The following EYS variants were observed in gnomAD, a reference collection of about 807,000 sequenced individuals.
EYS encodes the protein protein eyes shut homolog.
A neutral mutation model predicts 282.1 loss-of-function variants in EYS; 250 were observed. That is an observed-to-expected ratio of 0.89 (90% CI 0.80 to 0.98). EYS has a LOEUF of 0.98. Ranked by LOEUF, EYS falls within the 50% of genes least tolerant of loss-of-function variation. The probability of loss-of-function intolerance (pLI) is 0.00; values close to 1 mark genes in which losing one functional copy is unlikely to be tolerated. For synonymous variants in EYS, 1,355 were observed against 1,282.9 expected (o/e 1.06, Z -1.20); for missense variants, 4,016 against 3,709.0 (o/e 1.08, Z -2.15).
At chr6:64,916,528 G>A (rs1277660455) in intron 15 of EYS, among the ~76,000 whole-genome samples, 2 of 152,190 alleles carry the variant, frequency 1.3e-5, no homozygotes, top group Admixed American at 6.5e-5. Context: ...ATCTGCTTCC[G>A]CACATGTCAG....
chr6:64,246,432 T>A (rs138055587), intron 30 of EYS, among the ~76,000 whole-genome samples: 3 of 152,276 alleles, frequency 2.0e-5, no homozygotes, highest in East Asian at 3.9e-4. Context: ...CTTTCAACAC[T>A]GATATATATG....
At chr6:65,064,476 G>T (rs1773681511) in intron 12 of EYS, among the ~76,000 whole-genome samples, 2 of 144,202 alleles carry the variant, frequency 1.4e-5, no homozygotes, top group Non-Finnish European at 3.0e-5. Flanking sequence ...TATAGTATAT[G>T]ATATATAGTA....
At chr6:64,248,033 G>C (rs368523755) in intron 30 of EYS, among the ~76,000 whole-genome samples, 196 of 152,256 alleles carry the variant, frequency 1.3e-3, no homozygotes, top group African/African-American at 4.5e-3. Context: ...AAGACCAGAA[G>C]GACTTGGCTA....
chr6:64,783,707 A>G (rs1321909061), intron 22 of EYS, among the ~76,000 whole-genome samples: 2 of 152,156 alleles, frequency 1.3e-5, no homozygotes, highest in Non-Finnish European at 2.9e-5. Flanking sequence ...CAATTTTTAA[A>G]ATGCTATAAT....
At chr6:64,558,177 A>G (rs191631172) in intron 26 of EYS, among the ~76,000 whole-genome samples, 3 of 152,260 alleles carry the variant, frequency 2.0e-5, no homozygotes, top group East Asian at 3.9e-4. Context: ...ATGTATTTTT[A>G]TACTTCAATT....
intron 19 of EYS, among the ~76,000 whole-genome samples, chr6:64,853,438 C>T (rs923014043): frequency 1.3e-5 from 2 of 152,106 alleles, no homozygotes; most frequent in African/African-American, 2.4e-5. Context: ...AACTTCACAG[C>T]CGACTATGAG....
intron 8 of EYS, among the ~76,000 whole-genome samples, chr6:65,356,336 G>A (rs9445518): frequency 0.67 from 102,356 of 151,828 alleles, 34,596 homozygotes; most frequent in South Asian, 0.71. Flanking sequence ...GTTGGATCAA[G>A]GATACGAATC....
In EYS at chr6:65,344,171, T is replaced by A. The variant is rs140518088; in HGVS notation, c.1466A>T (p.Glu489Val). 1.7e-4 allele frequency: 280 copies of A among 1,608,034 alleles called. No individual in the cohort carries two copies. The highest frequency in any genetic ancestry group is 5.2e-4 in the Middle Eastern group (3 of 5,796). The change falls in exon 10 of 43, where the codon GAA becomes GTA. Residue 489 changes from glutamate (E) to valine (V), a missense_variant. Glu to Val is a moderately radical substitution (Grantham distance 121). Coordinates refer to ENST00000503581, the MANE Select transcript of EYS (RefSeq NM_001142800.2). ...YVWQLGFAGS[E>V]GEKCQGVIDA... ...AATAACCCCTTGGCACTTTTCGCCT[T>A]CAGATCCTTTAAAAAAAAAGAGATA...
At chr6:64,220,070 T>C (rs755683558) in intron 31 of EYS, among the ~76,000 whole-genome samples, 7 of 152,112 alleles carry the variant, frequency 4.6e-5, no homozygotes, top group Non-Finnish European at 8.8e-5. Context: ...TTAGGAGATA[T>C]ACCTAATGTT....
At chr6:65,504,985 G>A (rs910408543) in intron 2 of EYS, among the ~76,000 whole-genome samples, 5 of 151,674 alleles carry the variant, frequency 3.3e-5, no homozygotes, top group Admixed American at 2.6e-4. Flanking sequence ...TGAAGAATTG[G>A]CATCATTTCT....
chr6:65,519,880 C>T (rs1767299324), intron 2 of EYS, among the ~76,000 whole-genome samples: 1 of 131,100 alleles, frequency 7.6e-6, no homozygotes, highest in Non-Finnish European at 1.5e-5. Flanking sequence ...TCACACTTGG[C>T]TAATTTTTCT....
intron 5 of EYS, among the ~76,000 whole-genome samples, chr6:65,441,374 A>G (rs550158710): frequency 1.3e-5 from 2 of 152,040 alleles, no homozygotes; most frequent in East Asian, 1.9e-4. Flanking sequence ...TGTTCTATTT[A>G]CGAATGTTCA....
At chr6:64,631,840 C>G (rs1767794328) in intron 22 of EYS, among the ~76,000 whole-genome samples, 1 of 151,776 alleles carries the variant, frequency 6.6e-6, no homozygotes, top group African/African-American at 2.4e-5. Context: ...ATTCAGAAAC[C>G]TTTTTTTATT....
intron 8 of EYS, among the ~76,000 whole-genome samples, chr6:65,368,404 G>T (rs1765002934): frequency 6.6e-6 from 1 of 151,568 alleles, no homozygotes; most frequent in Non-Finnish European, 1.5e-5. Context: ...AATCTTCTCA[G>T]TTGAACACAT....
chr6:65,320,579 A>C (rs1769447250), intron 11 of EYS, among the ~76,000 whole-genome samples: 1 of 152,190 alleles, frequency 6.6e-6, no homozygotes, highest in African/African-American at 2.4e-5. Context: ...CAAGTGGCAC[A>C]TTTGGCTCCT....
chr6:64,677,180 C>G (rs1410609292), intron 22 of EYS, among the ~76,000 whole-genome samples: 1 of 152,110 alleles, frequency 6.6e-6, no homozygotes, highest in Non-Finnish European at 1.5e-5. Flanking sequence ...TAAGTCTTAT[C>G]ACAATCTCCC....
rs1166415936 is a variant in EYS, at chr6:65,098,685, ACT to A, written c.2024-40960_2024-40959del. Reference sequence around the variant, plus strand: ...CAGCTTTTTCTTATGTAGTAATTAGACTCTGGTAGAACAGCAACTAAATGGTG... The same window carrying A: ...CAGCTTTTTCTTATGTAGTAATTAGACTGGTAGAACAGCAACTAAATGGTG... On this transcript the variant is annotated intron_variant, in intron 12 of 42. Coordinates refer to ENST00000503581, the MANE Select transcript of EYS (RefSeq NM_001142800.2). Among the ~76,000 whole-genome samples the A allele has an allele frequency of 9.9e-5, 15 of 150,938 alleles. No homozygotes were observed. In the East Asian group the frequency reaches 2.5e-3, roughly 25 times the overall value.
At chr6:63,778,299 T>G (rs1562021684) in intron 39 of EYS, 119 bp from the exon 40 acceptor site, 1 of 1,079,466 alleles carries the variant, frequency 9.3e-7, no homozygotes, top group African/African-American at 1.6e-5. Context: ...ACATGTAAAT[T>G]TTAAAAGAAA....
chr6:64,338,589 C>A (rs975927885), intron 29 of EYS, among the ~76,000 whole-genome samples: 1 of 151,776 alleles, frequency 6.6e-6, no homozygotes, highest in Non-Finnish European at 1.5e-5. Flanking sequence ...CAATGCAATC[C>A]CCATCAAAAT....
Sources: gnomAD v4.1 joint callset for allele counts (sites outside exome capture counted in the v4.1 genomes callset) on GRCh38, gnomAD v4.1.1 for gene constraint, MANE v1.5 for transcripts, NCBI Gene and HGNC (gene_info 2026-07-23, HGNC 2026-07-21) for gene names.